Variants in PPIP5K2 observed in about 807,000 individuals in gnomAD.
PPIP5K2 encodes the protein inositol hexakisphosphate and diphosphoinositol-pentakisphosphate kinase 2.
PPIP5K2 carries 105 observed loss-of-function variants against 154.6 expected under a neutral mutation model. The observed-to-expected ratio is 0.68, with a 90% CI of 0.58 to 0.80. The LOEUF is 0.80. Ranked by LOEUF, PPIP5K2 falls within the 30% of genes least tolerant of loss-of-function variation. The pLI is 0.00. For missense variants in PPIP5K2, 992 were observed against 1,504.6 expected (o/e 0.66, Z 5.64); for synonymous variants, 480 against 490.3 (o/e 0.98, Z 0.28).
chr5:103,166,355 G>C (rs1456684584), intron 17 of PPIP5K2, among the ~76,000 whole-genome samples: 1 of 151,956 alleles, frequency 6.6e-6, no homozygotes. Flanking sequence ...TCTCAGACAA[G>C]GGCAGTTTTG....
intron 1 of PPIP5K2, among the ~76,000 whole-genome samples, chr5:103,127,197 A>C (rs1405780799): frequency 2.0e-5 from 3 of 152,254 alleles, no homozygotes; most frequent in Non-Finnish European, 4.4e-5. Context: ...AAATAATGTC[A>C]TAAAATGTGT....
In PPIP5K2 at chr5:103,211,874, A is replaced by G. The variant is rs1375115231; in HGVS notation, c.*10240A>G. On this transcript the variant is annotated 3_prime_UTR_variant, in exon 31 of 31. Coordinates refer to ENST00000358359, the MANE Select transcript of PPIP5K2 (RefSeq NM_001276277.3). ...TAACTGCTTTGTTACAAAAACTTGG[A>G]AATATAGATAAAATATTTATTTTGG... 2.6e-5 allele frequency: 4 copies of G among 152,188 alleles called. No homozygotes were observed. The highest frequency in any genetic ancestry group is 9.6e-5 in the African/African-American group (4 of 41,466). The allele number at this position is 152,188 out of a possible 1,614,324, so 9.4% of individuals were successfully genotyped here.
intron 11 of PPIP5K2, 91 bp downstream of exon 11, chr5:103,154,025 A>G (rs375861768): frequency 2.2e-6 from 2 of 925,634 alleles, no homozygotes; most frequent in South Asian, 2.0e-5. Flanking sequence ...CATCATATAG[A>G]AAAACTTTTA....
chr5:103,179,584 T>C (rs1375453997), intron 23 of PPIP5K2, among the ~76,000 whole-genome samples: 1 of 152,076 alleles, frequency 6.6e-6, no homozygotes, highest in African/African-American at 2.4e-5. Flanking sequence ...TTATTAGAAA[T>C]GTTTGGAATA....
Position 103,186,329 on chromosome 5 carries a change from G to T in PPIP5K2, c.3179G>T (p.Cys1060Phe), listed in dbSNP as rs1463134855. The T allele has an allele frequency of 1.2e-6, 2 of 1,613,648 alleles. No homozygotes were observed. Among genetic ancestry groups the T allele is most frequent in the Admixed American group, 1.7e-5 (1 of 59,922 alleles). The stretch of plus-strand genomic sequence containing the variant: ...CTCTAACTCCCATCAGGGTCTCACT[G>T]TGCGGGCCTGTTTAGCACCTCGGTG... Reference protein sequence around the residue: ...QKQNPTVGSHCAGLFSTSVLG... With the variant: ...QKQNPTVGSHFAGLFSTSVLG... Residue 1060 changes from cysteine to phenylalanine, a missense_variant, in exon 27 of 31, where the codon TGT becomes TTT. Cys to Phe is a radical substitution (Grantham distance 205, BLOSUM62 -2). Around this residue, in one of 9 missense-constraint regions of PPIP5K2, gnomAD observed 204 missense variants for 224.0 expected, o/e 0.91. Transcript: ENST00000358359.
In PPIP5K2 at chr5:103,212,180, T is replaced by C. The variant is rs1803841704; in HGVS notation, c.*10546T>C. The C allele has an allele frequency of 6.6e-6, 1 of 152,144 alleles. No homozygotes were observed. Among genetic ancestry groups the C allele is most frequent in the Admixed American group, 6.6e-5 (1 of 15,260 alleles). 9.4% of individuals were successfully genotyped at this position (152,144 alleles called of 1,614,324 possible). On this transcript the variant is annotated 3_prime_UTR_variant, in exon 31 of 31. Coordinates refer to ENST00000358359, the MANE Select transcript of PPIP5K2 (RefSeq NM_001276277.3). ...GGAGCAGGAAAGGGTTTCTCTTGAC[T>C]GGACCACAAATATAAAATCTCATGC...
rs1554232379 is a variant in PPIP5K2, at chr5:103,208,064, T to A, written c.*6430T>A. 6.6e-6 allele frequency: 1 copy of A among 151,790 alleles called. No individual in the cohort carries two copies. The highest frequency in any genetic ancestry group is 2.4e-5 in the African/African-American group (1 of 41,378). The allele number at this position is 151,790 out of a possible 1,614,324, so 9.4% of individuals were successfully genotyped here. ...TTGTTTTTTAAAATGCAATTTCATA[T>A]GTTAGGTAGGTTGGCTTTTCTTTTT... On this transcript the variant is annotated 3_prime_UTR_variant, in exon 31 of 31. Coordinates refer to ENST00000358359, the MANE Select transcript of PPIP5K2 (RefSeq NM_001276277.3).
At chr5:103,180,311 TA>T (rs1799315896) in intron 24 of PPIP5K2, 123 bp downstream of exon 24, 1 of 720,264 alleles carries the variant, frequency 1.4e-6, no homozygotes, top group African/African-American at 1.9e-5. Context: ...AAATGTTATT[TA>T]ATCTATTTTT....
intron 30 of PPIP5K2, among the ~76,000 whole-genome samples, chr5:103,198,012 A>G (rs1174729109): frequency 6.6e-6 from 1 of 151,874 alleles, no homozygotes; most frequent in Non-Finnish European, 1.5e-5. Context: ...ATTGTTATCT[A>G]TTTCAAACAT....
rs1554232478 is a variant in PPIP5K2 at position 103,209,747 on chromosome 5, G to GTGGA, written c.*8128_*8131dup. On this transcript the variant is annotated 3_prime_UTR_variant, in exon 31 of 31. Transcript: ENST00000358359. Reference sequence around the variant, plus strand: ...AAAGCTTGATGATAAAGGTGGGTGGGTGGATGGATGGATGGATGAATGAAG... The same window carrying GTGGA: ...AAAGCTTGATGATAAAGGTGGGTGGGTGGATGGATGGATGGATGGATGAATGAAG... 2 of 152,106 alleles carry GTGGA rather than the reference G, an allele frequency of 1.3e-5. No homozygotes were observed. The highest frequency in any genetic ancestry group is 4.8e-5 in the African/African-American group (2 of 41,424). 9.4% of individuals were successfully genotyped at this position (152,106 alleles called of 1,614,324 possible). A position where few individuals can be genotyped will look rare whatever the true frequency, so the allele number is the denominator to read the frequency against.
intron 1 of PPIP5K2, among the ~76,000 whole-genome samples, chr5:103,128,488 C>T (rs1790091904): frequency 1.3e-5 from 2 of 151,966 alleles, no homozygotes; most frequent in Admixed American, 1.3e-4. Context: ...CTCCCTGCAG[C>T]CTCAAACTAT....
intron 8 of PPIP5K2, among the ~76,000 whole-genome samples, 191 bp downstream of exon 8, chr5:103,149,504 C>G (rs1554210561): frequency 6.6e-6 from 1 of 151,738 alleles, no homozygotes; most frequent in Admixed American, 6.6e-5. Flanking sequence ...TAAAAGAAAA[C>G]CTGGTCAATT....
chr5:103,137,047 C>T (rs1436555217), intron 4 of PPIP5K2, among the ~76,000 whole-genome samples: 1 of 152,096 alleles, frequency 6.6e-6, no homozygotes. Context: ...CGTAGTAGGA[C>T]AAAGACTTAA....
intron 2 of PPIP5K2, among the ~76,000 whole-genome samples, chr5:103,131,285 A>C (rs541888917): frequency 6.6e-6 from 1 of 152,324 alleles, no homozygotes; most frequent in East Asian, 1.9e-4. Flanking sequence ...TGATATTTAC[A>C]TGTAAGCTGC....
chr5:103,183,176 CTTTTTTTTTTTTTTTTTTTTTTT>C lies in PPIP5K2; in HGVS notation c.2923-43_2923-21del, dbSNP rs781952635. On this transcript the variant is annotated intron_variant, in intron 24 of 30. Coordinates refer to ENST00000358359, the MANE Select transcript of PPIP5K2 (RefSeq NM_001276277.3). ...GTTGTATCTAACTTTGCATGCTCTG[CTTTTTTTTTTTTTTTTTTTTTTT>C]TTTTTTTTTTTTTTGCCCCCTTTCT... 151 of 539,104 alleles carry C rather than the reference CTTTTTTTTTTTTTTTTTTTTTTT, an allele frequency of 2.8e-4. 1 individual carries two copies. Among genetic ancestry groups the C allele is most frequent in the South Asian group, 1.1e-3 (24 of 20,972 alleles). The allele number at this position is 539,104 out of a possible 1,614,324, so 33.4% of individuals were successfully genotyped here. A position where few individuals can be genotyped will look rare whatever the true frequency, so the allele number is the denominator to read the frequency against.
At chr5:103,189,067 T>G in intron 28 of PPIP5K2, 1 of 794,986 alleles carries the variant, frequency 1.3e-6, no homozygotes, top group Non-Finnish European at 1.9e-6. Context: ...CTTTAACACA[T>G]ATCATGGACT....
Position 103,207,449 on chromosome 5 carries a change from A to G in PPIP5K2, c.*5815A>G, listed in dbSNP as rs1455371043. ...TGGATAGTGAGGGCATGGATAATGG[A>G]TACATAATCAGCAATGTATGCTGTA... On this transcript the variant is annotated 3_prime_UTR_variant, in exon 31 of 31. Coordinates refer to ENST00000358359, the MANE Select transcript of PPIP5K2 (RefSeq NM_001276277.3). The G allele has an allele frequency of 6.6e-6, 1 of 152,200 alleles. No homozygotes were observed. Among genetic ancestry groups the G allele is most frequent in the African/African-American group, 2.4e-5 (1 of 41,450 alleles). The allele number at this position is 152,200 out of a possible 1,614,324, so 9.4% of individuals were successfully genotyped here.
chr5:103,148,255 A>T, intron 7 of PPIP5K2: 1 of 540,844 alleles, frequency 1.8e-6, no homozygotes, highest in South Asian at 1.9e-5. Flanking sequence ...TAAGATTATG[A>T]TGGAGACAAA....
intron 24 of PPIP5K2, among the ~76,000 whole-genome samples, chr5:103,180,764 G>C (rs1580384362): frequency 6.6e-6 from 1 of 150,766 alleles, no homozygotes; most frequent in South Asian, 2.1e-4. Flanking sequence ...GCAGGAGAAT[G>C]ACGTGAATCC....
Sources: gnomAD v4.1 joint callset for allele counts (sites outside exome capture counted in the v4.1 genomes callset) on GRCh38, gnomAD v4.1.1 for gene constraint, gnomAD v4.1.1 regional missense constraint, MANE v1.5 for transcripts, NCBI Gene and HGNC (gene_info 2026-07-23, HGNC 2026-07-21) for gene names.